Variants in SHISAL1 observed in about 807,000 individuals in gnomAD.
SHISAL1 encodes the protein protein shisa-like-1.
Under a neutral mutation model 22.6 loss-of-function variants are expected in SHISAL1, and 9 were observed. The observed-to-expected ratio is 0.40, with a 90% CI of 0.24 to 0.70. The LOEUF is 0.70. Ranked by LOEUF, SHISAL1 falls within the 30% of genes least tolerant of loss-of-function variation. The pLI, the probability that SHISAL1 is intolerant of heterozygous loss-of-function variation, is 0.39. For synonymous variants in SHISAL1, 119 were observed against 115.4 expected, an observed-to-expected ratio of 1.03 and a Z score of -0.20; for missense variants, 246 against 270.6, an observed-to-expected ratio of 0.91 and a Z score of 0.64.
chr22:44,255,285 C>T (rs1305917712), intron 4 of SHISAL1, among the ~76,000 whole-genome samples: 1 of 152,170 alleles, frequency 6.6e-6, no homozygotes, highest in Non-Finnish European at 1.5e-5. Context: ...AAACTCCATT[C>T]TGATGGCCAA....
chr22:44,301,020 G>A (rs182850465), intron 1 of SHISAL1, 43 bp from the exon 2 acceptor site: 29 of 1,385,708 alleles, frequency 2.1e-5, no homozygotes, highest in Non-Finnish European at 2.9e-5. Flanking sequence ...GGGCTGTCTC[G>A]CCTGACACTG....
At chr22:44,302,088 C>T (rs1485811672) in intron 1 of SHISAL1, among the ~76,000 whole-genome samples, 2 of 152,180 alleles carry the variant, frequency 1.3e-5, no homozygotes, top group Non-Finnish European at 2.9e-5. Flanking sequence ...GCGTTGTAAT[C>T]CCAGCACTTT....
chr22:44,249,712 A>G, intron 4 of SHISAL1, 27 bp from the exon 5 acceptor site: 1 of 778,958 alleles, frequency 1.3e-6, no homozygotes, highest in Admixed American at 1.7e-5. Context: ...GAAAAAAAGT[A>G]TCACATGGTG....
At chr22:44,273,955 C>T (rs926077913) in intron 4 of SHISAL1, among the ~76,000 whole-genome samples, 1 of 152,112 alleles carries the variant, frequency 6.6e-6, no homozygotes, top group African/African-American at 2.4e-5. Context: ...CGGTGGCTCA[C>T]GCCTGTAGTT....
the SHISAL1 span, among the ~76,000 whole-genome samples, chr22:44,326,241 G>T: frequency 3.3e-5 from 5 of 152,166 alleles, no homozygotes; most frequent in African/African-American, 1.2e-4. Flanking sequence ...ATTATGGAAG[G>T]AATTTGCCTT....
At chr22:44,331,570 G>C in the SHISAL1 span, among the ~76,000 whole-genome samples, 1 of 149,804 alleles carries the variant, frequency 6.7e-6, no homozygotes, top group East Asian at 2.0e-4. The surrounding 1 kb of genome is among the most constrained non-coding windows in gnomAD (Gnocchi z 5.2). Context: ...GCTGGGGTGC[G>C]GGGGCTGCCC....
chr22:44,267,009 C>T (rs73888954), intron 4 of SHISAL1, among the ~76,000 whole-genome samples: 2,327 of 152,230 alleles, frequency 0.015, 59 homozygotes, highest in African/African-American at 0.054. Flanking sequence ...GCCAGCTATG[C>T]CCAGCGGCTT....
intron 4 of SHISAL1, among the ~76,000 whole-genome samples, chr22:44,264,204 T>C (rs1000832755): frequency 2.0e-5 from 3 of 152,176 alleles, no homozygotes; most frequent in African/African-American, 4.8e-5. Context: ...ACCCATGGGA[T>C]TGCCCAGTTC....
upstream of SHISAL1, among the ~76,000 whole-genome samples, chr22:44,315,283 A>AC (rs1343832416): frequency 6.6e-6 from 1 of 151,854 alleles, no homozygotes; most frequent in African/African-American, 2.4e-5. Flanking sequence ...TGATTACAGT[A>AC]CCCCCCAGCC....
rs2054976219 is a variant in SHISAL1 at position 44,243,894 on chromosome 22, A to ATATT, written c.*5787_*5790dup. 6.6e-6 allele frequency: 1 copy of ATATT among 152,004 alleles called. No homozygotes were observed. The allele number at this position is 152,004 out of a possible 1,614,324, so 9.4% of individuals were successfully genotyped here. Reference sequence around the variant, plus strand: ...GAAGTCAGAGTTTACGGGAGAGAAAATATTTCCATCCCCCTACCCCTGCGC... The same window carrying ATATT: ...GAAGTCAGAGTTTACGGGAGAGAAAATATTTATTTCCATCCCCCTACCCCTGCGC... On this transcript the variant is annotated 3_prime_UTR_variant, in exon 5 of 5. Coordinates refer to ENST00000381176, the MANE Select transcript of SHISAL1 (RefSeq NM_001099294.2).
upstream of SHISAL1, among the ~76,000 whole-genome samples, chr22:44,316,710 G>C (rs1187854473): frequency 1.3e-5 from 2 of 152,186 alleles, no homozygotes; most frequent in African/African-American, 2.4e-5. Flanking sequence ...GGAAATGCAG[G>C]CTCTCGCGCC....
At chr22:44,271,380 T>G (rs1318863109) in intron 4 of SHISAL1, among the ~76,000 whole-genome samples, 9 of 152,028 alleles carry the variant, frequency 5.9e-5, no homozygotes, top group Admixed American at 5.9e-4. Flanking sequence ...AGTTGACAAG[T>G]GCCCCTCTCC....
chr22:44,313,066 G>A (rs1307399352), upstream of SHISAL1, among the ~76,000 whole-genome samples: 2 of 152,186 alleles, frequency 1.3e-5, no homozygotes, highest in African/African-American at 2.4e-5. Flanking sequence ...GGCTGCTCCC[G>A]CAGTCCCCAC....
chr22:44,295,509 A>G (rs2147297904), intron 3 of SHISAL1, among the ~76,000 whole-genome samples: 1 of 146,810 alleles, frequency 6.8e-6, no homozygotes, highest in Admixed American at 6.8e-5. Flanking sequence ...AAAAGCCAGA[A>G]ACCATAAAAG....
In SHISAL1 at chr22:44,273,095, C is replaced by CA. The variant is rs1426891289; in HGVS notation, c.599+12332_599+12333insT. The stretch of plus-strand genomic sequence containing the variant: ...TGGGCAACAGAGCAAGACTCTGTCT[C>CA]CAAAAAAAAAACAAAAAAAACCACA... On this transcript the variant is annotated intron_variant, in intron 4 of 4. Transcript: ENST00000381176. Among the ~76,000 whole-genome samples the CA allele has an allele frequency of 1.2e-3, 176 of 141,754 alleles. 1 individual carries two copies. Among genetic ancestry groups the CA allele is most frequent in the African/African-American group, 4.8e-3 (171 of 35,306 alleles). 93.0% of individuals were successfully genotyped at this position (141,754 alleles called of 152,430 possible).
In SHISAL1 at chr22:44,247,340, C is replaced by T. The variant is rs2055009726; in HGVS notation, c.*2345G>A. ...TCAGAATCTGGGTCTTGGGCCCCCA[C>T]CTCAAGGCTTCCTCTGCCTTCTGAG... On this transcript the variant is annotated 3_prime_UTR_variant, in exon 5 of 5. Transcript: ENST00000381176. The T allele has an allele frequency of 6.6e-6, 1 of 152,308 alleles. No homozygotes were observed. Among genetic ancestry groups the T allele is most frequent in the South Asian group, 2.1e-4 (1 of 4,838 alleles). The allele number at this position is 152,308 out of a possible 1,614,324, so 9.4% of individuals were successfully genotyped here.
chr22:44,261,190 A>C (rs538310979), intron 4 of SHISAL1, among the ~76,000 whole-genome samples: 87 of 144,868 alleles, frequency 6.0e-4, no homozygotes, highest in Middle Eastern at 3.5e-3. Context: ...CTTCGAGGGT[A>C]AAGTTTTGAC....
the SHISAL1 span, among the ~76,000 whole-genome samples, chr22:44,329,075 C>T: frequency 1.3e-5 from 2 of 152,336 alleles, no homozygotes; most frequent in East Asian, 1.9e-4. Flanking sequence ...ACTTCCCCAC[C>T]CCCAGGAGCT....
chr22:44,313,564 G>A (rs138408373), upstream of SHISAL1, among the ~76,000 whole-genome samples: 1 of 152,216 alleles, frequency 6.6e-6, no homozygotes, highest in Admixed American at 6.5e-5. Context: ...AACAGGGCGG[G>A]GGATGCCCAC....
Sources: gnomAD v4.1 joint callset for allele counts (sites outside exome capture counted in the v4.1 genomes callset) on GRCh38, gnomAD v4.1.1 for gene constraint, Gnocchi (gnomAD v3.1) non-coding constraint, MANE v1.5 for transcripts, NCBI Gene and HGNC (gene_info 2026-07-23, HGNC 2026-07-21) for gene names.